Variants in ANGPT2 observed in about 807,000 individuals in gnomAD.
ANGPT2 encodes angiopoietin-2.
In ANGPT2, 28 loss-of-function variants were observed where a neutral mutation model predicts 62.9. That is an observed-to-expected ratio of 0.44 (90% confidence interval 0.33 to 0.61). The LOEUF is 0.61. ANGPT2 is among the 20% of genes least tolerant of loss of function. The pLI is 0.03. For missense variants in ANGPT2, 727 were observed against 594.9 expected (o/e 1.22, Z -2.31); for synonymous variants, 284 against 207.8 (o/e 1.37, Z -3.15).
At chr8:6,507,572 C>CTTTTTTT (rs35163014) in intron 8 of ANGPT2, 6 of 104,804 alleles carry the variant, frequency 5.7e-5, no homozygotes, top group Non-Finnish European at 8.0e-5. Flanking sequence ...ACTTTCTTTT[C>CTTTTTTT]TTTTTTTTTT....
chr8:6,537,070 T>C (rs1820633513), intron 1 of ANGPT2, among the ~76,000 whole-genome samples: 1 of 151,578 alleles, frequency 6.6e-6, no homozygotes, highest in South Asian at 2.1e-4. Context: ...ATCCCTGTCA[T>C]CTGCACCGAA....
chr8:6,514,242 T>C (rs2515421), intron 6 of ANGPT2, among the ~76,000 whole-genome samples: 64,363 of 152,032 alleles, frequency 0.42, 13,900 homozygotes, highest in Middle Eastern at 0.53. Context: ...CAGGCTGGAG[T>C]GCAGTGGTGT....
At position 6,527,493 on chromosome 8, in the gene ANGPT2, C is replaced by T. The variant is rs1390553504; in HGVS notation, c.566+62G>A. ...CATTCTGATAATTCATCATTTGAGACCGACTTTCATATCTGGAAAGTGTGC... is the reference window on the plus strand; with the variant it reads ...CATTCTGATAATTCATCATTTGAGATCGACTTTCATATCTGGAAAGTGTGC... On this transcript the variant is annotated intron_variant, in intron 3 of 8. Transcript: ENST00000629816. 4 of 1,571,720 alleles carry T rather than the reference C, an allele frequency of 2.5e-6. No homozygotes were observed. In the Admixed American group the frequency reaches 5.2e-5, roughly 20 times the overall value.
At chr8:6,535,605 A>G (rs1820339436) in intron 1 of ANGPT2, among the ~76,000 whole-genome samples, 1 of 152,232 alleles carries the variant, frequency 6.6e-6, no homozygotes, top group Non-Finnish European at 1.5e-5. Flanking sequence ...TATAGTGTCT[A>G]TAAATATATA....
At chr8:6,504,189 A>G (rs7841673) in intron 8 of ANGPT2, among the ~76,000 whole-genome samples, 34,306 of 151,184 alleles carry the variant, frequency 0.23, 4,406 homozygotes, top group East Asian at 0.48. Flanking sequence ...GTGGTGGCGG[A>G]CGCCTGTAGT....
intron 1 of ANGPT2, among the ~76,000 whole-genome samples, chr8:6,536,097 T>C (rs548644242): frequency 5.9e-5 from 9 of 152,176 alleles, no homozygotes; most frequent in South Asian, 2.1e-4. Flanking sequence ...AAAATACTTA[T>C]GTTCTTACTC....
chr8:6,514,716 G>A lies in ANGPT2; in HGVS notation c.990C>T (p.Gly330=). 2 of 1,614,060 alleles carry A rather than the reference G, an allele frequency of 1.2e-6. No individual in the cohort carries two copies. Among genetic ancestry groups the A allele is most frequent in the Non-Finnish European group, 1.7e-6 (2 of 1,180,002 alleles). ...TCCAAGTCCTCTGAAAATCAACGCTGCCATCCTCACGTCGCTGAATAATTG... is the reference window on the plus strand; with the variant it reads ...TCCAAGTCCTCTGAAAATCAACGCTACCATCCTCACGTCGCTGAATAATTG... The part of the protein sequence containing the change: ...GWTIIQRRED[G]SVDFQRTWKE... Residue 330 remains glycine (G), a synonymous_variant, in exon 6 of 9, where the codon GGC becomes GGT. Transcript: ENST00000629816.
intron 6 of ANGPT2, 87 bp downstream of exon 6, chr8:6,514,590 T>C: frequency 8.5e-7 from 1 of 1,170,350 alleles, no homozygotes; most frequent in Non-Finnish European, 1.3e-6. Flanking sequence ...TTGGTTAGTT[T>C]GGGATTGGTG....
At chr8:6,541,030 TGCCGAGGA>T (rs60427402) in intron 1 of ANGPT2, among the ~76,000 whole-genome samples, 57,556 of 151,764 alleles carry the variant, frequency 0.38, 11,559 homozygotes, top group Middle Eastern at 0.5. Flanking sequence ...CTTGCGAGAG[TGCCGAGGA>T]GGCTCTCATG....
At chr8:6,519,624 C>T (rs138958244) in intron 5 of ANGPT2, among the ~76,000 whole-genome samples, 2 of 152,262 alleles carry the variant, frequency 1.3e-5, no homozygotes, top group African/African-American at 4.8e-5. Context: ...GTATTTCTTG[C>T]CGAAGATAAG....
chr8:6,523,778 G>C (rs1463541068), intron 3 of ANGPT2, among the ~76,000 whole-genome samples: 1 of 151,938 alleles, frequency 6.6e-6, no homozygotes, highest in Non-Finnish European at 1.5e-5. Flanking sequence ...TAGTAGAGAC[G>C]TGGTTTCATT....
chr8:6,547,289 T>G (rs941847800), intron 1 of ANGPT2, among the ~76,000 whole-genome samples: 4 of 152,100 alleles, frequency 2.6e-5, no homozygotes, highest in Admixed American at 1.3e-4. Flanking sequence ...ATGCTTGTGG[T>G]AAAAGTACAG....
Position 6,502,975 on chromosome 8 carries a change from C to T in ANGPT2, c.*126G>A. 9.2e-7 allele frequency: 1 copy of T among 1,092,536 alleles called. No homozygotes were observed. Among genetic ancestry groups the T allele is most frequent in the Non-Finnish European group, 1.3e-6 (1 of 762,226 alleles). 67.7% of individuals were successfully genotyped at this position (1,092,536 alleles called of 1,614,324 possible). Reference sequence around the variant, plus strand: ...AGGCTCTAATCTGGAGCATGTGGGTCCCGTCAGCACCGAGCACACGCCCTC... The same window carrying T: ...AGGCTCTAATCTGGAGCATGTGGGTTCCGTCAGCACCGAGCACACGCCCTC... On this transcript the variant is annotated 3_prime_UTR_variant, in exon 9 of 9. Transcript: ENST00000629816.
At chr8:6,527,007 G>A (rs1041280524) in intron 3 of ANGPT2, among the ~76,000 whole-genome samples, 1 of 152,146 alleles carries the variant, frequency 6.6e-6, no homozygotes, top group Non-Finnish European at 1.5e-5. Context: ...CATAAAATGT[G>A]CATTGGCTTA....
intron 8 of ANGPT2, among the ~76,000 whole-genome samples, chr8:6,506,706 A>G (rs1386670504): frequency 6.6e-6 from 1 of 152,068 alleles, no homozygotes; most frequent in Non-Finnish European, 1.5e-5. Flanking sequence ...TCATTGGTGT[A>G]ATAATGGTGT....
intron 1 of ANGPT2, among the ~76,000 whole-genome samples, chr8:6,533,859 T>G (rs976310963): frequency 6.6e-6 from 1 of 152,212 alleles, no homozygotes. Flanking sequence ...CTTTCTGTCT[T>G]TAAGAGTAGG....
At chr8:6,562,600 C>G (rs984371947) in intron 1 of ANGPT2, 47 bp downstream of exon 1, 7 of 638,886 alleles carry the variant, frequency 1.1e-5, no homozygotes, top group African/African-American at 2.4e-5. Context: ...TGCTGCCAAG[C>G]TGATCTTAAT....
chr8:6,531,675 C>T (rs1249705774), intron 2 of ANGPT2, among the ~76,000 whole-genome samples: 1 of 152,198 alleles, frequency 6.6e-6, no homozygotes, highest in African/African-American at 2.4e-5. Context: ...ACTTAGCAAT[C>T]ACTTGTCTGG....
At chr8:6,551,873 G>A (rs987504481) in intron 1 of ANGPT2, among the ~76,000 whole-genome samples, 7 of 152,258 alleles carry the variant, frequency 4.6e-5, no homozygotes, top group Non-Finnish European at 5.9e-5. Context: ...TTCCCATTAA[G>A]ACCAGTTTGT....
Sources: allele counts gnomAD v4.1 joint callset (sites outside exome capture counted in the v4.1 genomes callset), GRCh38; gene constraint gnomAD v4.1.1; transcripts MANE v1.5; gene names NCBI Gene and HGNC (gene_info 2026-07-23, HGNC 2026-07-21).